UBXN2B: variants seen among roughly 807,000 people sequenced by gnomAD.
The protein encoded by UBXN2B is UBX domain protein 2B.
A neutral mutation model predicts 37.5 loss-of-function variants in UBXN2B; 19 were observed. The ratio of observed to expected loss-of-function variants is 0.51; its 90% CI spans 0.35 to 0.74. The LOEUF is 0.74. Among genes scored for constraint, UBXN2B ranks in the 30% least tolerant of loss-of-function variants. The pLI, the probability that UBXN2B is intolerant of heterozygous loss-of-function variation, is 0.01. For synonymous variants in UBXN2B, 145 were observed against 143.8 expected (o/e 1.01, Z -0.06); for missense variants, 370 against 393.2 (o/e 0.94, Z 0.50).
chr8:58,425,561 G>T, intron 2 of UBXN2B: 1 of 1,063,286 alleles, frequency 9.4e-7, no homozygotes, highest in Non-Finnish European at 1.5e-6. Flanking sequence ...TTGTTTTCTT[G>T]CCTTTTACCC....
chr8:58,443,636 TCCAAAAAA>T (rs1426175199), intron 6 of UBXN2B, among the ~76,000 whole-genome samples: 1 of 55,252 alleles, frequency 1.8e-5, no homozygotes, highest in Admixed American at 2.0e-4. Context: ...CTACTAAAAA[TCCAAAAAA>T]AAAAAAAAAA....
At chr8:58,424,756 C>T (rs1808033311) in intron 2 of UBXN2B, 4 of 1,422,014 alleles carry the variant, frequency 2.8e-6, no homozygotes, top group Non-Finnish European at 3.0e-6. Flanking sequence ...ATATTCATGA[C>T]CTTTCCTCTT....
intron 5 of UBXN2B, among the ~76,000 whole-genome samples, chr8:58,438,334 C>T (rs1232173324): frequency 2.0e-5 from 3 of 152,174 alleles, no homozygotes; most frequent in African/African-American, 7.2e-5. Flanking sequence ...AGGGAGGTGC[C>T]ACCTCCAGAC....
At chr8:58,429,181 A>G (rs982470121) in intron 2 of UBXN2B, among the ~76,000 whole-genome samples, 2 of 152,214 alleles carry the variant, frequency 1.3e-5, no homozygotes, top group Admixed American at 1.3e-4. Context: ...CAGATTAGAG[A>G]TGTGGAAAGC....
chr8:58,413,458 C>T (rs1168805087), intron 1 of UBXN2B: 1 of 152,044 alleles, frequency 6.6e-6, no homozygotes, highest in Non-Finnish European at 1.5e-5. Flanking sequence ...ATCTTGTTAC[C>T]GTTTAATCTA....
At chr8:58,432,059 GA>G (rs1352287110) in intron 3 of UBXN2B, among the ~76,000 whole-genome samples, 1 of 152,082 alleles carries the variant, frequency 6.6e-6, no homozygotes, top group Non-Finnish European at 1.5e-5. Flanking sequence ...TCCTCAGCAG[GA>G]TTTTTCACTA....
rs869090698 is a variant in UBXN2B, at chr8:58,446,779, A to ATTTTTTTTTTTTTTTTTTTTTTTTTTTTT, written c.834-602_834-574dup. Among the ~76,000 whole-genome samples, 7 of 17,402 alleles carry ATTTTTTTTTTTTTTTTTTTTTTTTTTTTT rather than the reference A, an allele frequency of 4.0e-4. 3 individuals are homozygous for ATTTTTTTTTTTTTTTTTTTTTTTTTTTTT. The highest frequency in any genetic ancestry group is 6.7e-4 in the African/African-American group (3 of 4,458). The allele number at this position is 17,402 out of a possible 152,430, so 11.4% of individuals were successfully genotyped here. On this transcript the variant is annotated intron_variant, in intron 7 of 7. Transcript: ENST00000399598. ...ATACTCCGAAAAAAGTACAACCTGCATTTTTTTTTTTTTTTTTTTTTTTTT... is the reference window on the plus strand; with the variant it reads ...ATACTCCGAAAAAAGTACAACCTGCATTTTTTTTTTTTTTTTTTTTTTTTTTTTTTTTTTTTTTTTTTTTTTTTTTTTTT...
intron 6 of UBXN2B, among the ~76,000 whole-genome samples, chr8:58,445,544 A>G (rs770069364): frequency 5.9e-5 from 9 of 152,172 alleles, no homozygotes; most frequent in Non-Finnish European, 1.0e-4. Context: ...ATTCAAAATG[A>G]TTGATGTACT....
intron 2 of UBXN2B, among the ~76,000 whole-genome samples, chr8:58,420,202 C>A (rs1041841620): frequency 2.0e-5 from 3 of 152,024 alleles, no homozygotes; most frequent in African/African-American, 7.3e-5. Flanking sequence ...ATTTTTAGTT[C>A]CCATACAGTT....
At position 58,441,268 on chromosome 8, in the gene UBXN2B, A is replaced by G. The variant is rs141165676; in HGVS notation, c.671+1498A>G. Among the ~76,000 whole-genome samples, 427 of 150,708 alleles carry G rather than the reference A, an allele frequency of 2.8e-3. 3 individuals are homozygous for G. Among genetic ancestry groups the G allele is most frequent in the African/African-American group, 9.8e-3 (399 of 40,818 alleles). ...CTTGGCCTGCCAAAGTGCCTGGGTT[A>G]CAGGCATGAGCCACTATGCCTGGCC... On this transcript the variant is annotated intron_variant, in intron 6 of 7. Coordinates refer to ENST00000399598, the MANE Select transcript of UBXN2B (RefSeq NM_001077619.2).
At chr8:58,434,811 A>G (rs1441745128) in intron 5 of UBXN2B, 5 of 1,534,576 alleles carry the variant, frequency 3.3e-6, no homozygotes, top group South Asian at 2.4e-5. Context: ...ATTAATTAGT[A>G]TGTAGCTGCC....
chr8:58,433,047 G>T (rs769704444), intron 3 of UBXN2B, 113 bp from the exon 4 acceptor site: 3 of 782,098 alleles, frequency 3.8e-6, no homozygotes, highest in Non-Finnish European at 6.1e-6. Flanking sequence ...AGGCTCCCCA[G>T]TATGAGCCAC....
intron 2 of UBXN2B, among the ~76,000 whole-genome samples, chr8:58,418,774 C>G (rs1156637273): frequency 6.6e-6 from 1 of 152,094 alleles, no homozygotes; most frequent in Admixed American, 6.5e-5. Flanking sequence ...TAATTCTTAC[C>G]TTTATACATA....
chr8:58,425,006 C>T (rs764199726), intron 2 of UBXN2B: 9 of 784,878 alleles, frequency 1.1e-5, no homozygotes, highest in South Asian at 4.0e-5. Flanking sequence ...CCGTGCACCA[C>T]GACTGGCCTT....
intron 5 of UBXN2B, among the ~76,000 whole-genome samples, chr8:58,437,576 G>A (rs1199636588): frequency 1.3e-5 from 2 of 151,900 alleles, no homozygotes; most frequent in Non-Finnish European, 2.9e-5. Flanking sequence ...ACCTGCCTTG[G>A]CCTCCCAAAG....
chr8:58,416,067 C>CA (rs1331957085), intron 1 of UBXN2B, among the ~76,000 whole-genome samples: 4,097 of 118,254 alleles, frequency 0.035, 152 homozygotes, highest in African/African-American at 0.11. Context: ...TTGAAAAAAA[C>CA]AAAAAAAAAA....
At chr8:58,414,152 G>A (rs571402181) in intron 1 of UBXN2B, among the ~76,000 whole-genome samples, 1 of 152,200 alleles carries the variant, frequency 6.6e-6, no homozygotes, top group Non-Finnish European at 1.5e-5. Flanking sequence ...TCTGATAACT[G>A]TGTTGCCACA....
At chr8:58,447,308 ATTT>A in intron 7 of UBXN2B, 78 bp from the exon 8 acceptor site, 1 of 1,339,696 alleles carries the variant, frequency 7.5e-7, no homozygotes, top group Non-Finnish European at 1.0e-6. Flanking sequence ...AAATTTTGTG[ATTT>A]TTATTATGAT....
At chr8:58,428,816 A>G (rs1343134259) in intron 2 of UBXN2B, among the ~76,000 whole-genome samples, 1 of 152,258 alleles carries the variant, frequency 6.6e-6, no homozygotes, top group African/African-American at 2.4e-5. Context: ...AAAATACGAG[A>G]ACTCAAGAAT....
Sources: gnomAD v4.1 joint callset for allele counts (sites outside exome capture counted in the v4.1 genomes callset) on GRCh38, gnomAD v4.1.1 for gene constraint, MANE v1.5 for transcripts, NCBI Gene and HGNC (gene_info 2026-07-23, HGNC 2026-07-21) for gene names.